PTPRM: variants seen among roughly 807,000 people sequenced by gnomAD.
PTPRM encodes the protein protein tyrosine phosphatase receptor type M.
Under a neutral mutation model 186.7 loss-of-function variants are expected in PTPRM, and 47 were observed. That is an observed-to-expected ratio of 0.25 (90% CI 0.20 to 0.32). The LOEUF (loss-of-function observed/expected upper bound fraction) is 0.32, where lower values mean the gene tolerates loss of function less well. Ranked by LOEUF, PTPRM falls within the 10% of genes least tolerant of loss-of-function variation. PTPRM has a pLI of 1.00. For synonymous variants in PTPRM, 668 were observed against 674.9 expected, an observed-to-expected ratio of 0.99 and a Z score of 0.16; for missense variants, 1,494 against 1,865.0, an observed-to-expected ratio of 0.80 and a Z score of 3.66.
intron 1 of PTPRM, among the ~76,000 whole-genome samples, chr18:7,585,979 T>G (rs1037863026): frequency 6.6e-6 from 1 of 152,204 alleles, no homozygotes; most frequent in Non-Finnish European, 1.5e-5. Context: ...TACTTAAAAT[T>G]TCTAGGCATT....
chr18:8,342,668 G>A (rs3826632), intron 22 of PTPRM, among the ~76,000 whole-genome samples: 3,145 of 152,232 alleles, frequency 0.021, 121 homozygotes, highest in East Asian at 0.15. Flanking sequence ...AAGTATGCAT[G>A]GACACAAAGT....
chr18:8,046,986 A>T (rs1288971397), intron 7 of PTPRM, among the ~76,000 whole-genome samples: 2 of 152,172 alleles, frequency 1.3e-5, no homozygotes, highest in East Asian at 3.9e-4. Flanking sequence ...TCAAGTGACC[A>T]CTAGACCAAA....
At chr18:8,083,435 A>T (rs1021436880) in intron 9 of PTPRM, among the ~76,000 whole-genome samples, 2 of 151,314 alleles carry the variant, frequency 1.3e-5, no homozygotes, top group African/African-American at 4.9e-5. Context: ...AGCATGATTA[A>T]CTCCTTGGGA....
At chr18:7,611,743 T>G (rs903532271) in intron 1 of PTPRM, among the ~76,000 whole-genome samples, 2 of 152,192 alleles carry the variant, frequency 1.3e-5, no homozygotes, top group Non-Finnish European at 2.9e-5. Flanking sequence ...AATGGTCTTA[T>G]GAGGGAGAGT....
At chr18:8,016,420 C>T (rs942613652) in intron 7 of PTPRM, among the ~76,000 whole-genome samples, 2 of 150,856 alleles carry the variant, frequency 1.3e-5, no homozygotes, top group Non-Finnish European at 1.5e-5. Flanking sequence ...CTCGGGAGAC[C>T]GAGGCATGAG....
At position 7,648,020 on chromosome 18, in the gene PTPRM, A is replaced by G. The variant is rs564034361; in HGVS notation, c.73+80129A>G. On this transcript the variant is annotated intron_variant, in intron 1 of 32. Transcript: ENST00000580170. ...GGTTTGTGGCAATCTTTCATCTAGC[A>G]AATCTATTGGTGCTTTTTTTCCAAC... 9.2e-5 allele frequency among the ~76,000 whole-genome samples: 14 copies of G among 152,318 alleles called. No homozygotes were observed. In the South Asian group the frequency reaches 2.9e-3, roughly 32 times the overall value.
At chr18:8,390,784 C>T (rs2095806156) in intron 31 of PTPRM, among the ~76,000 whole-genome samples, 2 of 151,944 alleles carry the variant, frequency 1.3e-5, no homozygotes, top group Admixed American at 6.6e-5. Context: ...AAAAATTAGC[C>T]GGGCGCAGTG....
intron 14 of PTPRM, among the ~76,000 whole-genome samples, chr18:8,230,430 A>G (rs766366568): frequency 2.0e-5 from 3 of 152,236 alleles, no homozygotes; most frequent in South Asian, 2.1e-4. Flanking sequence ...ATAAGCAACC[A>G]TAAGTGTAGC....
At chr18:8,346,177 C>G (rs997588289) in intron 23 of PTPRM, among the ~76,000 whole-genome samples, 6 of 152,198 alleles carry the variant, frequency 3.9e-5, no homozygotes, top group Non-Finnish European at 8.8e-5. Context: ...TGCTGGGCCT[C>G]TCCTTCCACA....
intron 3 of PTPRM, among the ~76,000 whole-genome samples, chr18:7,898,280 C>T (rs1049221818): frequency 1.1e-4 from 17 of 152,166 alleles, no homozygotes; most frequent in Admixed American, 2.6e-4. Flanking sequence ...GGAGAACCAA[C>T]GTTTAATCCC....
In PTPRM at chr18:8,184,478, T is replaced by C. The variant is rs188547298; in HGVS notation, c.2300+40699T>C. ...GAGGAGACGAGTGAGATGAGTGAGG[T>C]TGCACAGACCCCACTGGACTGTTGG... is the stretch of plus-strand genomic sequence containing the variant. On this transcript the variant is annotated intron_variant, in intron 14 of 32. Coordinates refer to ENST00000580170, the MANE Select transcript of PTPRM (RefSeq NM_001105244.2). 5.8e-3 allele frequency among the ~76,000 whole-genome samples: 878 copies of C among 152,102 alleles called. 4 individuals are homozygous for C. Among genetic ancestry groups the C allele is most frequent in the African/African-American group, 0.02 (841 of 41,496 alleles).
intron 22 of PTPRM, among the ~76,000 whole-genome samples, chr18:8,331,649 A>G (rs2095412901): frequency 6.6e-6 from 1 of 152,250 alleles, no homozygotes; most frequent in Non-Finnish European, 1.5e-5. Context: ...GTATACTCAT[A>G]TAGTTTTCAT....
chr18:7,839,655 T>C (rs1448688378), intron 2 of PTPRM, among the ~76,000 whole-genome samples: 1 of 152,174 alleles, frequency 6.6e-6, no homozygotes, highest in Non-Finnish European at 1.5e-5. Flanking sequence ...GAGCTTGGGC[T>C]TAGGGTAGGA....
chr18:8,020,379 C>T (rs2147954163), intron 7 of PTPRM, among the ~76,000 whole-genome samples: 1 of 152,248 alleles, frequency 6.6e-6, no homozygotes, highest in Middle Eastern at 3.4e-3. Context: ...TTTCTCTACA[C>T]TGTGTCTGAA....
chr18:8,348,224 T>C (rs1452724472), intron 23 of PTPRM, among the ~76,000 whole-genome samples: 2 of 152,260 alleles, frequency 1.3e-5, no homozygotes, highest in East Asian at 1.9e-4. Flanking sequence ...ACAGACTTGC[T>C]GCCGATTCAT....
chr18:8,196,362 G>A (rs575654017), intron 14 of PTPRM, among the ~76,000 whole-genome samples: 1 of 152,286 alleles, frequency 6.6e-6, no homozygotes, highest in South Asian at 2.1e-4. Context: ...CTGTTCCTTA[G>A]TGCTATTACT....
At chr18:7,831,303 A>G (rs537785109) in intron 2 of PTPRM, among the ~76,000 whole-genome samples, 1 of 152,170 alleles carries the variant, frequency 6.6e-6, no homozygotes, top group African/African-American at 2.4e-5. Flanking sequence ...TCAATAAAAA[A>G]TATATTTATT....
At chr18:7,690,797 A>T (rs1293417488) in intron 1 of PTPRM, among the ~76,000 whole-genome samples, 1 of 152,226 alleles carries the variant, frequency 6.6e-6, no homozygotes, top group African/African-American at 2.4e-5. Flanking sequence ...GGGAAAGCCT[A>T]ACATTTCTTC....
intron 1 of PTPRM, among the ~76,000 whole-genome samples, chr18:7,572,430 C>A (rs1738331941): frequency 6.6e-6 from 1 of 152,086 alleles, no homozygotes; most frequent in Non-Finnish European, 1.5e-5. Flanking sequence ...AAAGTCAATA[C>A]CTTTATTTAA....
Sources: allele counts gnomAD v4.1 joint callset (sites outside exome capture counted in the v4.1 genomes callset), GRCh38; gene constraint gnomAD v4.1.1; transcripts MANE v1.5; gene names NCBI Gene and HGNC (gene_info 2026-07-23, HGNC 2026-07-21).